The following HSPA14 variants were observed in gnomAD, a reference collection of about 807,000 sequenced individuals.
HSPA14 encodes the protein heat shock protein family A (Hsp70) member 14.
In HSPA14, 37 loss-of-function variants were observed where a neutral mutation model predicts 65.5. The ratio of observed to expected loss-of-function variants is 0.56; its 90% CI spans 0.43 to 0.74. The LOEUF is 0.74. Ranked by LOEUF, HSPA14 falls within the 30% of genes least tolerant of loss-of-function variation. The pLI is 0.00. For missense variants in HSPA14, 564 were observed against 607.6 expected (o/e 0.93, Z 0.75); for synonymous variants, 203 against 214.2 (o/e 0.95, Z 0.46).
In HSPA14 at chr10:14,842,873, G is replaced by T; in HGVS notation, c.221+2716G>T. On this transcript the variant is annotated intron_variant, in intron 3 of 13. Transcript: ENST00000378372. This position sits in a 1 kb window ranked among gnomAD's most constrained non-coding sequence, Gnocchi z 5.2. The stretch of plus-strand genomic sequence containing the variant: ...TAACTCCCAAGCATGTGAAGGAGTT[G>T]GGTCCCAGAGTCTTGTGGCTCTAAA... The T allele has an allele frequency of 7.0e-7, 1 of 1,429,002 alleles. No individual in the cohort carries two copies. The highest frequency in any genetic ancestry group is 1.3e-5 in the South Asian group (1 of 76,584). The allele number at this position is 1,429,002 out of a possible 1,614,324, so 88.5% of individuals were successfully genotyped here.
Position 14,852,356 on chromosome 10 carries a change from A to G in HSPA14, c.573-14A>G. ...ATGTTATTCCCTGATAACTTACTTT[A>G]TCTTCTCTTGAAGCAATATTTTGGT... is the stretch of plus-strand genomic sequence containing the variant. On this transcript the variant is annotated splice_polypyrimidine_tract_variant and intron_variant, in intron 7 of 13. Transcript: ENST00000378372. 1 of 1,607,746 alleles carries G rather than the reference A, an allele frequency of 6.2e-7. No homozygotes were observed. Among genetic ancestry groups the G allele is most frequent in the Non-Finnish European group, 8.5e-7 (1 of 1,175,660 alleles).
Position 14,867,104 on chromosome 10 carries a change from T to G in HSPA14, c.1015T>G (p.Ser339Ala). ...INKVVLCGGS[S>A]RIPKLQQLIK... Reference sequence around the variant, plus strand: ...CTAGGTTGTCCTTTGTGGAGGGTCTTCTCGAATCCCAAAGCTACAGCAACT... The same window carrying G: ...CTAGGTTGTCCTTTGTGGAGGGTCTGCTCGAATCCCAAAGCTACAGCAACT... Residue 339 changes from serine (S) to alanine (A), a missense_variant, in exon 11 of 14, where the codon TCT (serine) becomes GCT (alanine). By Grantham distance (99) the Ser-to-Ala change is moderately conservative (BLOSUM62 1). Coordinates refer to ENST00000378372, the MANE Select transcript of HSPA14 (RefSeq NM_016299.4). The G allele has an allele frequency of 6.2e-7, 1 of 1,613,406 alleles. No individual in the cohort carries two copies. The highest frequency in any genetic ancestry group is 8.5e-7 in the Non-Finnish European group (1 of 1,179,436).
chr10:14,867,917 C>T lies in HSPA14; in HGVS notation c.1380+8C>T. 1 of 1,608,690 alleles carries T rather than the reference C, an allele frequency of 6.2e-7. No individual in the cohort carries two copies. Among genetic ancestry groups the T allele is most frequent in the Non-Finnish European group, 8.5e-7 (1 of 1,177,494 alleles). On this transcript the variant is annotated splice_region_variant and intron_variant, in intron 12 of 13. Transcript: ENST00000378372. Reference sequence around the variant, plus strand: ...GAAACCAAGTTTGCACAGGTGAATACATAAAGTTAGACACATTAAACTGTT... The same window carrying T: ...GAAACCAAGTTTGCACAGGTGAATATATAAAGTTAGACACATTAAACTGTT...
In HSPA14 at chr10:14,844,480, C is replaced by T. The variant is rs927246009; in HGVS notation, c.222-4129C>T. 11 of 983,956 alleles carry T rather than the reference C, an allele frequency of 1.1e-5. No homozygotes were observed. The African/African-American group carries it at 2.0e-4, about 18-fold the overall frequency. The allele number at this position is 983,956 out of a possible 1,614,324, so 61.0% of individuals were successfully genotyped here. On this transcript the variant is annotated intron_variant, in intron 3 of 13. Transcript: ENST00000378372. ...TAATTTTTAAAATCCCTGTGTGGCT[C>T]ATTAGACGACTATAAGCACAACCTG... is the stretch of plus-strand genomic sequence containing the variant.
rs879251618 is a variant in HSPA14 at position 14,871,688 on chromosome 10, C to A, written c.*82C>A. ...TATAAGTGGTGTTTGTATTAAAATA[C>A]TTTTTCAATGAACTGTATAAACTAT... On this transcript the variant is annotated 3_prime_UTR_variant, in exon 14 of 14. Transcript: ENST00000378372. The A allele has an allele frequency of 7.0e-5, 49 of 697,854 alleles. No homozygotes were observed. The highest frequency in any genetic ancestry group is 8.0e-4 in the Middle Eastern group (2 of 2,506). The allele number at this position is 697,854 out of a possible 1,614,324, so 43.2% of individuals were successfully genotyped here.
In HSPA14 at chr10:14,848,591, A is replaced by G. The variant is rs1352350524; in HGVS notation, c.222-18A>G. 1.9e-6 allele frequency: 3 copies of G among 1,593,440 alleles called. No homozygotes were observed. Among genetic ancestry groups the G allele is most frequent in the Non-Finnish European group, 2.6e-6 (3 of 1,163,596 alleles). On this transcript the variant is annotated intron_variant, in intron 3 of 13. Coordinates refer to ENST00000378372, the MANE Select transcript of HSPA14 (RefSeq NM_016299.4). ...CTGATTTTAATACTTAGCTATCTTT[A>G]TCTTTCTTTATGGACAGCTCCAGTG...
At chr10:14,862,346 T>A (rs183205154) in intron 10 of HSPA14, among the ~76,000 whole-genome samples, 2 of 146,970 alleles carry the variant, frequency 1.4e-5, no homozygotes, top group Non-Finnish European at 3.0e-5. Context: ...ATAGATTTTA[T>A]CATATTGAGA....
intron 3 of HSPA14, chr10:14,843,411 C>T: frequency 6.4e-7 from 1 of 1,550,900 alleles, no homozygotes; most frequent in Non-Finnish European, 8.7e-7. Flanking sequence ...GCTCCCACAG[C>T]CTTTTCAGAG....
chr10:14,859,942 C>G (rs1052844231), intron 10 of HSPA14, among the ~76,000 whole-genome samples: 2 of 152,080 alleles, frequency 1.3e-5, no homozygotes, highest in African/African-American at 4.8e-5. Flanking sequence ...GTTGCATTGT[C>G]TATAAATAAC....
Position 14,849,748 on chromosome 10 carries a change from A to G in HSPA14, c.404A>G (p.Asp135Gly). Reference protein sequence around the residue: ...KETAHSVLGSDANDVVITVPF... With the variant: ...KETAHSVLGSGANDVVITVPF... ...ACGGCACATTCTGTATTGGGCTCAG[A>G]TGCAAATGATGTAGTTATTACTGTC... The change falls in exon 6 of 14, where the codon GAT becomes GGT. Residue 135 changes from aspartate (D) to glycine (G), a missense_variant. Transcript: ENST00000378372. 6.2e-7 allele frequency: 1 copy of G among 1,611,904 alleles called. No individual in the cohort carries two copies. Among genetic ancestry groups the G allele is most frequent in the Non-Finnish European group, 8.5e-7 (1 of 1,179,338 alleles).
Position 14,842,798 on chromosome 10 carries a change from C to T in HSPA14, c.221+2641C>T, listed in dbSNP as rs1010266734. The T allele has an allele frequency of 7.2e-6, 11 of 1,536,258 alleles. No individual in the cohort carries two copies. The highest frequency in any genetic ancestry group is 2.4e-5 in the East Asian group (1 of 40,914). On this transcript the variant is annotated intron_variant, in intron 3 of 13. Coordinates refer to ENST00000378372, the MANE Select transcript of HSPA14 (RefSeq NM_016299.4). The surrounding 1 kb of genome is among the most constrained non-coding windows in gnomAD (Gnocchi z 5.2). ...TCAGCTAAGAATCAGTGACCGGATA[C>T]GAGAAACCAGTGACCTTGAGGACTC... is the stretch of plus-strand genomic sequence containing the variant.
At chr10:14,839,589 A>G (rs1361875900) in intron 1 of HSPA14, among the ~76,000 whole-genome samples, 1 of 151,708 alleles carries the variant, frequency 6.6e-6, no homozygotes, top group Non-Finnish European at 1.5e-5. Flanking sequence ...AAAAAAAAAG[A>G]AATGGTAATG....
At chr10:14,859,174 A>T (rs529698054) in intron 10 of HSPA14, among the ~76,000 whole-genome samples, 121 of 151,656 alleles carry the variant, frequency 8.0e-4, no homozygotes, top group African/African-American at 2.9e-3. Context: ...AAGTTCTATC[A>T]CTATGTGTTG....
intron 7 of HSPA14, 22 bp from the exon 8 acceptor site, chr10:14,852,348 C>A: frequency 6.3e-7 from 1 of 1,599,328 alleles, no homozygotes; most frequent in Admixed American, 1.7e-5. Flanking sequence ...TCCCTGATAA[C>A]TTACTTTATC....
chr10:14,860,700 G>A (rs907093448), intron 10 of HSPA14, among the ~76,000 whole-genome samples: 3 of 152,126 alleles, frequency 2.0e-5, no homozygotes, highest in Non-Finnish European at 4.4e-5. Flanking sequence ...AAGGAAACTA[G>A]GGCCCAGATC....
chr10:14,859,766 G>A (rs552197018), intron 10 of HSPA14, among the ~76,000 whole-genome samples: 39 of 152,260 alleles, frequency 2.6e-4, no homozygotes, highest in Admixed American at 5.2e-4. Context: ...AAGACTTTTA[G>A]TATTTGTTAT....
intron 7 of HSPA14, among the ~76,000 whole-genome samples, chr10:14,851,524 G>A (rs1834108506): frequency 6.6e-6 from 1 of 152,222 alleles, no homozygotes; most frequent in Non-Finnish European, 1.5e-5. Context: ...GGGAGAGAAG[G>A]TTGAGCTTTT....
intron 3 of HSPA14, chr10:14,844,195 A>G (rs1197353084): frequency 4.2e-6 from 5 of 1,176,800 alleles, no homozygotes; most frequent in Non-Finnish European, 5.4e-6. Context: ...TGGTTTCCTC[A>G]TCCGTAAAAT....
At chr10:14,846,211 T>C (rs1462887118) in intron 3 of HSPA14, 1 of 985,208 alleles carries the variant, frequency 1.0e-6, no homozygotes. Context: ...TATGGAAAGA[T>C]ATGTGTCAAT....
Sources: allele counts gnomAD v4.1 joint callset (sites outside exome capture counted in the v4.1 genomes callset), GRCh38; gene constraint gnomAD v4.1.1; non-coding constraint Gnocchi (gnomAD v3.1); transcripts MANE v1.5; gene names NCBI Gene and HGNC (gene_info 2026-07-23, HGNC 2026-07-21).